The following KLHL2 variants were observed in gnomAD, a reference collection of about 807,000 sequenced individuals.
KLHL2 encodes kelch like family member 2, also known as kelch-like protein 2.
KLHL2 carries 15 observed loss-of-function variants against 75.8 expected under a neutral mutation model. The observed-to-expected ratio is 0.20, with a 90% CI of 0.13 to 0.30. The LOEUF (loss-of-function observed/expected upper bound fraction) is 0.30, where lower values mean the gene tolerates loss of function less well. Among genes scored for constraint, KLHL2 ranks in the 10% least tolerant of loss-of-function variants. The pLI, the probability that KLHL2 is intolerant of heterozygous loss-of-function variation, is 1.00. For missense variants in KLHL2, 381 were observed against 741.0 expected, an observed-to-expected ratio of 0.51 and a Z score of 5.64; for synonymous variants, 214 against 251.9, an observed-to-expected ratio of 0.85 and a Z score of 1.42.
chr4:165,277,785 A>ACC (rs1553959987), intron 5 of KLHL2: 57 of 603,020 alleles, frequency 9.5e-5, no homozygotes, highest in African/African-American at 4.0e-4. Context: ...ACACACACAC[A>ACC]CCAAATATTT....
At position 165,210,250 on chromosome 4, in the gene KLHL2, G is replaced by T; in HGVS notation, c.26+2348G>T. 2.8e-6 allele frequency: 4 copies of T among 1,415,036 alleles called. No homozygotes were observed. In the Admixed American group the frequency reaches 7.9e-5, roughly 28 times the overall value. The allele number at this position is 1,415,036 out of a possible 1,614,324, so 87.7% of individuals were successfully genotyped here. A position where few individuals can be genotyped will look rare whatever the true frequency, so the allele number is the denominator to read the frequency against. ...TGCCTGTCTCTGCCTGGCACTGTGCGTGGTGCTTTTGCTTGTGTTCTCTTT... is the reference window on the plus strand; with the variant it reads ...TGCCTGTCTCTGCCTGGCACTGTGCTTGGTGCTTTTGCTTGTGTTCTCTTT... On this transcript the variant is annotated intron_variant, in intron 1 of 14. Transcript: ENST00000226725.
intron 4 of KLHL2, among the ~76,000 whole-genome samples, chr4:165,256,994 C>T (rs1325172216): frequency 6.6e-6 from 1 of 152,156 alleles, no homozygotes; most frequent in East Asian, 1.9e-4. Flanking sequence ...TATTCAATTT[C>T]ATTGATATTA....
At chr4:165,265,198 C>T (rs1378489125) in intron 5 of KLHL2, among the ~76,000 whole-genome samples, 1 of 152,094 alleles carries the variant, frequency 6.6e-6, no homozygotes, top group Non-Finnish European at 1.5e-5. Flanking sequence ...CTGTTCATGT[C>T]ATTTGCCCAC....
At chr4:165,253,322 C>A (rs1215101717) in intron 4 of KLHL2, among the ~76,000 whole-genome samples, 2 of 152,200 alleles carry the variant, frequency 1.3e-5, no homozygotes, top group Non-Finnish European at 2.9e-5. Flanking sequence ...ATGTGAGGCA[C>A]TATGCTTGGC....
intron 4 of KLHL2, among the ~76,000 whole-genome samples, chr4:165,250,138 T>A (rs533469513): frequency 0.012 from 1,689 of 145,128 alleles, 26 homozygotes; most frequent in African/African-American, 0.038. Context: ...AAAAAAAAAA[T>A]AGTTTGTTCT....
intron 3 of KLHL2, among the ~76,000 whole-genome samples, chr4:165,231,763 T>C (rs918134463): frequency 2.6e-5 from 4 of 152,252 alleles, no homozygotes; most frequent in Non-Finnish European, 5.9e-5. Flanking sequence ...TTATTTCTCT[T>C]GGGAGTAGAT....
chr4:165,293,639 G>A (rs1048652202), intron 5 of KLHL2, among the ~76,000 whole-genome samples: 3 of 150,774 alleles, frequency 2.0e-5, no homozygotes, highest in Non-Finnish European at 4.4e-5. Flanking sequence ...GAGTAACTGG[G>A]ACTACAGGTG....
At chr4:165,264,295 TG>T (rs1741961744) in intron 5 of KLHL2, among the ~76,000 whole-genome samples, 2 of 151,990 alleles carry the variant, frequency 1.3e-5, no homozygotes, top group South Asian at 4.2e-4. Flanking sequence ...TCACGAGGTC[TG>T]GGATTTTAAT....
At position 165,291,207 on chromosome 4, in the gene KLHL2, C is replaced by T. The variant is rs76885491; in HGVS notation, c.545-3152C>T. 2.2e-3 allele frequency among the ~76,000 whole-genome samples: 328 copies of T among 152,164 alleles called. 7 individuals are homozygous for T. The East Asian group carries it at 0.046, about 21-fold the overall frequency. Reference sequence around the variant, plus strand: ...TTATTTTCTTCTTGACCTTTAAGTGCTCTTTTTATATTTTAGGTAACAGTC... The same window carrying T: ...TTATTTTCTTCTTGACCTTTAAGTGTTCTTTTTATATTTTAGGTAACAGTC... On this transcript the variant is annotated intron_variant, in intron 5 of 14. Coordinates refer to ENST00000226725, the MANE Select transcript of KLHL2 (RefSeq NM_007246.4).
At chr4:165,299,146 T>A (rs532307336) in intron 7 of KLHL2, among the ~76,000 whole-genome samples, 2 of 152,310 alleles carry the variant, frequency 1.3e-5, no homozygotes, top group East Asian at 3.9e-4. Context: ...GAAGGATGTA[T>A]TATCTAAACT....
intron 4 of KLHL2, among the ~76,000 whole-genome samples, chr4:165,240,885 G>C (rs1054254714): frequency 1.3e-5 from 2 of 152,188 alleles, no homozygotes; most frequent in African/African-American, 2.4e-5. Flanking sequence ...AGTTCTTGTG[G>C]TGGGGACATG....
At chr4:165,278,788 T>G (rs1743390778) in intron 5 of KLHL2, 2 of 1,547,706 alleles carry the variant, frequency 1.3e-6, no homozygotes, top group Non-Finnish European at 1.8e-6. Context: ...CTGTATTACA[T>G]AGTAAGAAAC....
At chr4:165,267,272 C>T (rs1345546600) in intron 5 of KLHL2, among the ~76,000 whole-genome samples, 1 of 152,178 alleles carries the variant, frequency 6.6e-6, no homozygotes, top group African/African-American at 2.4e-5. Flanking sequence ...GATAATTTGA[C>T]TTCCTCTCTT....
At chr4:165,299,357 A>T in intron 7 of KLHL2, 150 bp from the exon 8 acceptor site, 1 of 584,442 alleles carries the variant, frequency 1.7e-6, no homozygotes, top group Non-Finnish European at 2.7e-6. Context: ...TTTTTCTCTT[A>T]GATGTATTTA....
intron 5 of KLHL2, among the ~76,000 whole-genome samples, chr4:165,292,943 G>A (rs923321892): frequency 4.6e-5 from 7 of 152,150 alleles, no homozygotes; most frequent in African/African-American, 1.7e-4. Flanking sequence ...TACAGACACA[G>A]TTCTAGGTGC....
At chr4:165,241,710 C>T (rs780202816) in intron 4 of KLHL2, among the ~76,000 whole-genome samples, 1 of 152,200 alleles carries the variant, frequency 6.6e-6, no homozygotes, top group Non-Finnish European at 1.5e-5. Context: ...CATCTGTTGG[C>T]AGTCAGTTGG....
In KLHL2 at chr4:165,295,023, C is replaced by T. The variant is rs183511621; in HGVS notation, c.654+555C>T. On this transcript the variant is annotated intron_variant, in intron 6 of 14. Transcript: ENST00000226725. ...CCGTTCAGCCTGCCTGCCTCCCTGACTCTCTCCCTCCCTGCCTCCCTCCCT... is the reference window on the plus strand; with the variant it reads ...CCGTTCAGCCTGCCTGCCTCCCTGATTCTCTCCCTCCCTGCCTCCCTCCCT... Among the ~76,000 whole-genome samples the T allele has an allele frequency of 5.9e-5, 9 of 151,794 alleles. No homozygotes were observed. In the East Asian group the frequency reaches 1.7e-3, roughly 29 times the overall value.
At chr4:165,238,738 T>C in intron 3 of KLHL2, 40 bp from the exon 4 acceptor site, 1 of 1,611,084 alleles carries the variant, frequency 6.2e-7, no homozygotes, top group Non-Finnish European at 8.5e-7. Flanking sequence ...TCCACAGCAG[T>C]GTCTTGCTGT....
chr4:165,267,886 G>A (rs567578400), intron 5 of KLHL2, among the ~76,000 whole-genome samples: 8 of 152,294 alleles, frequency 5.3e-5, no homozygotes, highest in Admixed American at 3.9e-4. Context: ...AGAAGGAATG[G>A]TATCAGCTCC....
Sources: allele counts gnomAD v4.1 joint callset (sites outside exome capture counted in the v4.1 genomes callset), GRCh38; gene constraint gnomAD v4.1.1; transcripts MANE v1.5; gene names NCBI Gene and HGNC (gene_info 2026-07-23, HGNC 2026-07-21).